Variants in GORAB observed in about 807,000 individuals in gnomAD.
GORAB encodes golgin, RAB6 interacting.
Under a neutral mutation model 29.9 loss-of-function variants are expected in GORAB, and 17 were observed. That is an observed-to-expected ratio of 0.57 (90% CI 0.39 to 0.85). The LOEUF (loss-of-function observed/expected upper bound fraction) is 0.85, where lower values mean the gene tolerates loss of function less well. Ranked by LOEUF, GORAB falls within the 40% of genes least tolerant of loss-of-function variation. The pLI is 0.00. For missense variants in GORAB, 442 were observed against 437.8 expected, an observed-to-expected ratio of 1.01 and a Z score of -0.09; for synonymous variants, 183 against 157.2, an observed-to-expected ratio of 1.16 and a Z score of -1.23.
intron 4 of GORAB, chr1:170,545,920 T>G (rs1649729831): frequency 5.7e-6 from 1 of 175,644 alleles, no homozygotes; most frequent in Admixed American, 6.5e-5. Context: ...GTTCCAGGTT[T>G]CCATTAATAA....
At chr1:170,546,332 G>A (rs1649761423) in intron 4 of GORAB, among the ~76,000 whole-genome samples, 1 of 151,992 alleles carries the variant, frequency 6.6e-6, no homozygotes, top group Non-Finnish European at 1.5e-5. Flanking sequence ...GGATCTTGCA[G>A]TGAGCCAAGA....
chr1:170,536,226 A>G (rs761461141), intron 1 of GORAB: 9 of 152,188 alleles, frequency 5.9e-5, no homozygotes, highest in Non-Finnish European at 1.2e-4. Flanking sequence ...TTGTTCCTAG[A>G]TAAGTAATAA....
In GORAB at chr1:170,539,404, C is replaced by G. The variant is rs1649264270; in HGVS notation, c.256C>G (p.Pro86Ala). 4 of 1,614,098 alleles carry G rather than the reference C, an allele frequency of 2.5e-6. No homozygotes were observed. Among genetic ancestry groups the G allele is most frequent in the Non-Finnish European group, 3.4e-6 (4 of 1,179,984 alleles). The part of the protein sequence containing the change: ...QKPPFSSPTL[P>A]SHFTLTSPVG... ...ACCACCTTTTTCTTCCCCTACTCTT[C>G]CGAGTCATTTCACTCTCACCTCCCC... is the stretch of plus-strand genomic sequence containing the variant. Residue 86 changes from proline (P) to alanine (A), a missense_variant, in exon 2 of 5, where the codon CCG (proline) becomes GCG (alanine). Coordinates refer to ENST00000367763, the MANE Select transcript of GORAB (RefSeq NM_152281.3).
chr1:170,549,030 GACCCGTGGA>G (rs1649925346), intron 4 of GORAB, among the ~76,000 whole-genome samples: 1 of 152,086 alleles, frequency 6.6e-6, no homozygotes, highest in Non-Finnish European at 1.5e-5. Context: ...ACTAAAAGTG[GACCCGTGGA>G]ACCCAGTGGT....
chr1:170,547,424 ACTG>A (rs934657510), intron 4 of GORAB, among the ~76,000 whole-genome samples: 8 of 134,534 alleles, frequency 5.9e-5, no homozygotes, highest in African/African-American at 3.7e-5. Context: ...TACTGCTGCT[ACTG>A]CTGCTACTGC....
chr1:170,538,919 G>T (rs1276389714), intron 1 of GORAB: 1 of 382,474 alleles, frequency 2.6e-6, no homozygotes, highest in Non-Finnish European at 4.7e-6. Flanking sequence ...ATGAAATCAA[G>T]TTGAAAAAGA....
At position 170,552,673 on chromosome 1, in the gene GORAB, C is replaced by A. The variant is rs779687238; in HGVS notation, c.*211C>A. On this transcript the variant is annotated 3_prime_UTR_variant, in exon 5 of 5. Transcript: ENST00000367763. Reference sequence around the variant, plus strand: ...GGTATGTTTCACCTTGATTTTGGCCCGGTTCTTTCAGTGTTCCGTTTACCC... The same window carrying A: ...GGTATGTTTCACCTTGATTTTGGCCAGGTTCTTTCAGTGTTCCGTTTACCC... The A allele has an allele frequency of 6.7e-5, 41 of 610,872 alleles. 2 individuals carry two copies. The highest frequency in any genetic ancestry group is 6.2e-4 in the South Asian group (41 of 65,890). The allele number at this position is 610,872 out of a possible 1,614,324, so 37.8% of individuals were successfully genotyped here. A position where few individuals can be genotyped will look rare whatever the true frequency, so the allele number is the denominator to read the frequency against.
chr1:170,537,961 G>A (rs1385082412), intron 1 of GORAB, among the ~76,000 whole-genome samples: 4 of 152,190 alleles, frequency 2.6e-5, no homozygotes, highest in Admixed American at 1.3e-4. Context: ...TTTTGATGGT[G>A]TGAATAAAGA....
intron 2 of GORAB, among the ~76,000 whole-genome samples, chr1:170,541,244 TCAGAAG>T (rs1315300941): frequency 1.6e-5 from 2 of 128,138 alleles, no homozygotes; most frequent in African/African-American, 3.0e-5. Context: ...TGAGGAAGGA[TCAGAAG>T]CAGAAGCAGG....
In GORAB at chr1:170,539,421, C is replaced by T. The variant is rs916210169; in HGVS notation, c.273C>T (p.Leu91=). 2 of 1,614,020 alleles carry T rather than the reference C, an allele frequency of 1.2e-6. No individual in the cohort carries two copies. The highest frequency in any genetic ancestry group is 8.5e-7 in the Non-Finnish European group (1 of 1,180,012). The change falls in exon 2 of 5, where the codon CTC becomes CTT. Residue 91 remains leucine, a synonymous_variant. Coordinates refer to ENST00000367763, the MANE Select transcript of GORAB (RefSeq NM_152281.3). ...CTACTCTTCCGAGTCATTTCACTCT[C>T]ACCTCCCCCGTTGGTGATGGACAAC... The part of the protein sequence containing the change: ...SSPTLPSHFT[L]TSPVGDGQPQ...
chr1:170,532,167 T>C lies in GORAB; in HGVS notation c.-57T>C, dbSNP rs188031069. On this transcript the variant is annotated 5_prime_UTR_variant, in exon 1 of 5. Coordinates refer to ENST00000367763, the MANE Select transcript of GORAB (RefSeq NM_152281.3). ...AACCCGGATGAGCTGGGCAGCAGTG[T>C]TGGCAGTCGCGGCTGCGAGATTTGG... is the stretch of plus-strand genomic sequence containing the variant. 1.9e-5 allele frequency: 30 copies of C among 1,613,290 alleles called. No homozygotes were observed. Among genetic ancestry groups the C allele is most frequent in the Admixed American group, 8.3e-5 (5 of 60,018 alleles).
chr1:170,539,043 A>G (rs1238615356), intron 1 of GORAB, 167 bp from the exon 2 acceptor site: 4 of 731,920 alleles, frequency 5.5e-6, no homozygotes, highest in Non-Finnish European at 8.9e-6. Flanking sequence ...AACTATTGAA[A>G]CTCTACAGGA....
chr1:170,548,328 T>A (rs1649886380), intron 4 of GORAB, among the ~76,000 whole-genome samples: 1 of 102,846 alleles, frequency 9.7e-6, no homozygotes, highest in African/African-American at 3.8e-5. Context: ...AGGGTCCAGC[T>A]GGATAATCTG....
At chr1:170,543,107 A>G (rs905112872) in intron 3 of GORAB, among the ~76,000 whole-genome samples, 5 of 152,172 alleles carry the variant, frequency 3.3e-5, no homozygotes, top group African/African-American at 9.7e-5. Context: ...TTGATGACTC[A>G]GGGTCATTAT....
At chr1:170,549,684 G>A (rs1649997329) in intron 4 of GORAB, among the ~76,000 whole-genome samples, 1 of 152,132 alleles carries the variant, frequency 6.6e-6, no homozygotes, top group South Asian at 2.1e-4. Flanking sequence ...AGGGAACTAG[G>A]TATCCAGTAG....
In GORAB at chr1:170,539,295, A is replaced by C; in HGVS notation, c.147A>C (p.Gln49His). 2 of 1,614,186 alleles carry C rather than the reference A, an allele frequency of 1.2e-6. No individual in the cohort carries two copies. The highest frequency in any genetic ancestry group is 2.2e-5 in the South Asian group (2 of 91,086). Reference protein sequence around the residue: ...QREKALVEQSQKLGLQDGSTS... With the variant: ...QREKALVEQSHKLGLQDGSTS... The stretch of plus-strand genomic sequence containing the variant: ...AAAAAGCCCTTGTAGAGCAAAGCCA[A>C]AAACTTGGGCTTCAAGATGGATCAA... Residue 49 changes from glutamine (Q) to histidine (H), a missense_variant, in exon 2 of 5, where the codon CAA (glutamine) becomes CAC (histidine). Coordinates refer to ENST00000367763, the MANE Select transcript of GORAB (RefSeq NM_152281.3).
chr1:170,550,956 A>G (rs1022207611), intron 4 of GORAB, among the ~76,000 whole-genome samples: 93 of 152,368 alleles, frequency 6.1e-4, no homozygotes, highest in African/African-American at 2.1e-3. Context: ...TGCAGAAGAA[A>G]AAAAGTGAGA....
chr1:170,546,965 G>GT (rs1203433630), intron 4 of GORAB, among the ~76,000 whole-genome samples: 1 of 152,174 alleles, frequency 6.6e-6, no homozygotes, highest in Admixed American at 6.5e-5. Flanking sequence ...GATTACAGGT[G>GT]TGAGCCACCA....
intron 1 of GORAB, among the ~76,000 whole-genome samples, chr1:170,536,768 A>G (rs1305914172): frequency 6.6e-6 from 1 of 152,264 alleles, no homozygotes; most frequent in Admixed American, 6.5e-5. Context: ...AACATAGACA[A>G]TATGAATGAC....
Sources: gnomAD v4.1 joint callset for allele counts (sites outside exome capture counted in the v4.1 genomes callset) on GRCh38, gnomAD v4.1.1 for gene constraint, MANE v1.5 for transcripts, NCBI Gene and HGNC (gene_info 2026-07-23, HGNC 2026-07-21) for gene names.